Variants in TPH2 observed in about 807,000 individuals in gnomAD.
TPH2 encodes tryptophan 5-hydroxylase 2.
A neutral mutation model predicts 59.1 loss-of-function variants in TPH2; 27 were observed. The observed-to-expected ratio is 0.46, with a 90% CI of 0.34 to 0.63. The LOEUF is 0.63. Among genes scored for constraint, TPH2 ranks in the 30% least tolerant of loss-of-function variants. The pLI is 0.01. For missense variants in TPH2, 523 were observed against 588.3 expected (o/e 0.89, Z 1.15); for synonymous variants, 220 against 210.5 (o/e 1.05, Z -0.39).
intron 8 of TPH2, among the ~76,000 whole-genome samples, chr12:72,012,531 G>A (rs1323584452): frequency 6.6e-6 from 1 of 152,196 alleles, no homozygotes; most frequent in African/African-American, 2.4e-5. Context: ...GAGAGAAAGC[G>A]ATGGCTAGAC....
At chr12:71,945,975 C>T (rs1433153630) in intron 4 of TPH2, among the ~76,000 whole-genome samples, 1 of 152,132 alleles carries the variant, frequency 6.6e-6, no homozygotes, top group Non-Finnish European at 1.5e-5. Flanking sequence ...TTAGTAATCA[C>T]CCATTGTTAT....
chr12:72,020,783 A>G (rs10879357), intron 8 of TPH2, among the ~76,000 whole-genome samples: 89,051 of 151,938 alleles, frequency 0.59, 26,246 homozygotes, highest in Middle Eastern at 0.63. Context: ...CACCACGCCC[A>G]GTCTAGGGCT....
intron 5 of TPH2, among the ~76,000 whole-genome samples, chr12:71,958,223 A>G (rs1417652320): frequency 6.6e-6 from 1 of 152,210 alleles, no homozygotes; most frequent in Non-Finnish European, 1.5e-5. Flanking sequence ...TTATAGTACT[A>G]GGGTCATTTC....
intron 1 of TPH2, among the ~76,000 whole-genome samples, chr12:71,939,800 G>A (rs976632157): frequency 1.3e-5 from 2 of 152,100 alleles, no homozygotes; most frequent in Non-Finnish European, 2.9e-5. Flanking sequence ...GTAGTCATGG[G>A]ATTTAATAAA....
intron 5 of TPH2, 85 bp from the exon 6 acceptor site, chr12:71,972,434 T>G: frequency 1.5e-6 from 2 of 1,373,922 alleles, no homozygotes; most frequent in Non-Finnish European, 2.1e-6. Context: ...TGCCAGGGTC[T>G]GACTTGTGAT....
At chr12:71,940,607 CA>C in intron 1 of TPH2, among the ~76,000 whole-genome samples, 1 of 152,164 alleles carries the variant, frequency 6.6e-6, no homozygotes, top group East Asian at 1.9e-4. Context: ...GAATATAAAA[CA>C]GACCACATAA....
chr12:71,990,262 C>T (rs748502768), intron 7 of TPH2, among the ~76,000 whole-genome samples: 21 of 152,196 alleles, frequency 1.4e-4, no homozygotes, highest in Non-Finnish European at 2.5e-4. Flanking sequence ...CTCAGGGGTT[C>T]GGCTGTGGAT....
At chr12:71,961,940 TG>T (rs1387932933) in intron 5 of TPH2, 11 of 1,056,348 alleles carry the variant, frequency 1.0e-5, no homozygotes, top group African/African-American at 1.7e-5. Context: ...CTAATGTTTT[TG>T]TTTGCTCCCA....
chr12:71,946,038 C>T (rs941199148), intron 4 of TPH2, among the ~76,000 whole-genome samples: 3 of 152,094 alleles, frequency 2.0e-5, no homozygotes, highest in African/African-American at 7.2e-5. Flanking sequence ...GGGAACCTGA[C>T]GTAGGAGCTA....
At chr12:72,001,132 C>T (rs548559152) in intron 8 of TPH2, among the ~76,000 whole-genome samples, 2 of 152,296 alleles carry the variant, frequency 1.3e-5, no homozygotes, top group African/African-American at 2.4e-5. Flanking sequence ...CAGAATAAAT[C>T]GGCCTCTGGC....
At chr12:71,980,941 T>G (rs1566138694) in intron 7 of TPH2, among the ~76,000 whole-genome samples, 1 of 152,228 alleles carries the variant, frequency 6.6e-6, no homozygotes, top group Non-Finnish European at 1.5e-5. Context: ...AAAAAAAATT[T>G]TTTTTAAAGC....
intron 9 of TPH2, among the ~76,000 whole-genome samples, chr12:72,029,389 C>T (rs773954722): frequency 2.0e-5 from 3 of 152,134 alleles, no homozygotes; most frequent in Non-Finnish European, 4.4e-5. Context: ...GTTAGAACAA[C>T]GTAGTACATT....
chr12:71,954,211 C>T (rs1293255262), intron 5 of TPH2, among the ~76,000 whole-genome samples: 1 of 152,106 alleles, frequency 6.6e-6, no homozygotes, highest in African/African-American at 2.4e-5. Flanking sequence ...TCGATAGATG[C>T]CACTCAGGCG....
chr12:72,009,546 T>C (rs957344383), intron 8 of TPH2, among the ~76,000 whole-genome samples: 2 of 152,254 alleles, frequency 1.3e-5, no homozygotes, highest in East Asian at 3.8e-4. Context: ...ACTAGCCTCA[T>C]TGATTGTAAT....
At chr12:72,022,843 C>T (rs766806871) in intron 9 of TPH2, among the ~76,000 whole-genome samples, 11 of 152,176 alleles carry the variant, frequency 7.2e-5, no homozygotes, top group East Asian at 1.9e-4. Context: ...AATTCACTTG[C>T]GAATGTGGCT....
intron 8 of TPH2, among the ~76,000 whole-genome samples, chr12:71,998,747 G>T (rs1872752771): frequency 6.6e-6 from 1 of 152,144 alleles, no homozygotes; most frequent in Non-Finnish European, 1.5e-5. Flanking sequence ...ATTATTAGCT[G>T]ATTTCCTCAA....
At chr12:71,984,777 C>A (rs929043645) in intron 7 of TPH2, among the ~76,000 whole-genome samples, 1 of 152,112 alleles carries the variant, frequency 6.6e-6, no homozygotes, top group Non-Finnish European at 1.5e-5. Flanking sequence ...TGGCATGTTC[C>A]CAGAAAGCCG....
chr12:71,968,993 G>A (rs1021335934), intron 5 of TPH2, among the ~76,000 whole-genome samples: 6 of 152,180 alleles, frequency 3.9e-5, no homozygotes, highest in African/African-American at 1.4e-4. Flanking sequence ...ATAGAAAGAT[G>A]CATAACGGGC....
At chr12:71,995,504 T>C (rs1400579782) in intron 8 of TPH2, among the ~76,000 whole-genome samples, 2 of 152,216 alleles carry the variant, frequency 1.3e-5, no homozygotes, top group Non-Finnish European at 2.9e-5. Context: ...TTCTCCTAGA[T>C]TTCTTAAAAA....
Sources: allele counts gnomAD v4.1 joint callset (sites outside exome capture counted in the v4.1 genomes callset), GRCh38; gene constraint gnomAD v4.1.1; transcripts MANE v1.5; gene names NCBI Gene and HGNC (gene_info 2026-07-23, HGNC 2026-07-21).